KIF13B: variants seen among roughly 807,000 people sequenced by gnomAD.
The protein encoded by KIF13B is kinesin family member 13B.
KIF13B carries 127 observed loss-of-function variants against 222.0 expected under a neutral mutation model. The ratio of observed to expected loss-of-function variants is 0.57; its 90% confidence interval spans 0.50 to 0.66. The LOEUF is 0.66. Among genes scored for constraint, KIF13B ranks in the 30% least tolerant of loss-of-function variants. The pLI is 0.00. For missense variants in KIF13B, 2,173 were observed against 2,379.0 expected (o/e 0.91, Z 1.80); for synonymous variants, 976 against 919.0 (o/e 1.06, Z -1.12).
At chr8:29,126,977 T>C (rs901474600) in intron 25 of KIF13B, 145 bp downstream of exon 25, 10 of 789,502 alleles carry the variant, frequency 1.3e-5, no homozygotes, top group South Asian at 1.2e-4. Context: ...TCCATGAAAA[T>C]GCAAGACACA....
intron 2 of KIF13B, among the ~76,000 whole-genome samples, chr8:29,231,301 T>C (rs1815275543): frequency 1.3e-5 from 2 of 152,174 alleles, no homozygotes; most frequent in Admixed American, 1.3e-4. Context: ...AGAGAAGGGA[T>C]TTTCCCACAG....
At chr8:29,219,510 T>A (rs141018308) in intron 2 of KIF13B, 1 of 151,894 alleles carries the variant, frequency 6.6e-6, no homozygotes, top group Admixed American at 6.6e-5. Flanking sequence ...GTAATCCCAG[T>A]ACTTTGGGAA....
At chr8:29,160,617 G>A (rs1333810836) in intron 13 of KIF13B, 116 bp downstream of exon 13, 2 of 848,656 alleles carry the variant, frequency 2.4e-6, no homozygotes, top group African/African-American at 1.8e-5. Context: ...ACCCAAGATG[G>A]TTCTATAACT....
intron 15 of KIF13B, among the ~76,000 whole-genome samples, chr8:29,149,657 TG>T (rs1811214123): frequency 6.6e-6 from 1 of 152,222 alleles, no homozygotes. Flanking sequence ...TCAGGGCTAG[TG>T]CAGCTATGGT....
chr8:29,138,262 G>A (rs1447589183), intron 21 of KIF13B, among the ~76,000 whole-genome samples: 1 of 152,116 alleles, frequency 6.6e-6, no homozygotes, highest in Non-Finnish European at 1.5e-5. Context: ...TTGAACCCAG[G>A]AGGTGGAGGG....
At chr8:29,249,936 A>G in intron 1 of KIF13B, 2 of 814,608 alleles carry the variant, frequency 2.5e-6, no homozygotes, top group Admixed American at 2.3e-5. Context: ...GAAATGCTGC[A>G]AGAAAGTCTC....
chr8:29,181,920 T>G lies in KIF13B; in HGVS notation c.584A>C (p.Lys195Thr). Residue 195 changes from lysine to threonine, a missense_variant and splice_region_variant, in exon 7 of 40, where the codon AAG becomes ACG. Transcript: ENST00000524189. ...AGTTCACATACAGGATGTTGTTACC[T>G]TGTAGCTTGTGACAGCCAGTTTAGA... ...GLSKLAVTSY[K>T]DIESLMSEGN... is the part of the protein sequence containing the mutation. 1.9e-6 allele frequency: 3 copies of G among 1,611,044 alleles called. No homozygotes were observed. Among genetic ancestry groups the G allele is most frequent in the Non-Finnish European group, 2.5e-6 (3 of 1,177,588 alleles).
chr8:29,229,088 T>TAAAAAAAAAAAAAAAAAA (rs370080449), intron 2 of KIF13B, among the ~76,000 whole-genome samples: 4 of 94,694 alleles, frequency 4.2e-5, no homozygotes, highest in African/African-American at 1.2e-4. Flanking sequence ...ATGTCAGCTT[T>TAAAAAAAAAAAAAAAAAA]AAAAAAAAAA....
At chr8:29,101,102 G>A (rs1475358455) in intron 35 of KIF13B, among the ~76,000 whole-genome samples, 2 of 152,116 alleles carry the variant, frequency 1.3e-5, no homozygotes. Context: ...AGGAGCGCTG[G>A]CATCCCCATG....
chr8:29,227,905 A>T (rs1415475445), intron 2 of KIF13B, among the ~76,000 whole-genome samples: 2 of 151,948 alleles, frequency 1.3e-5, no homozygotes, highest in African/African-American at 4.8e-5. Flanking sequence ...GAGCCATGAT[A>T]GTGCCACTGC....
intron 29 of KIF13B, 42 bp from the exon 30 acceptor site, chr8:29,119,034 A>C (rs955964961): frequency 6.3e-7 from 1 of 1,592,924 alleles, no homozygotes; most frequent in Non-Finnish European, 8.6e-7. Flanking sequence ...GATCATTTTC[A>C]AGGATAACCC....
chr8:29,236,817 A>G (rs996914670), intron 2 of KIF13B, among the ~76,000 whole-genome samples: 17 of 152,238 alleles, frequency 1.1e-4, no homozygotes, highest in Admixed American at 3.9e-4. Context: ...AAGAAAATGT[A>G]CAATTCTCAA....
At chr8:29,234,468 T>C (rs1363788007) in intron 2 of KIF13B, among the ~76,000 whole-genome samples, 3 of 148,370 alleles carry the variant, frequency 2.0e-5, no homozygotes, top group Non-Finnish European at 4.5e-5. Flanking sequence ...GTAGTCAAAA[T>C]CATATATACA....
chr8:29,090,627 C>A (rs920173142), intron 37 of KIF13B, among the ~76,000 whole-genome samples: 5 of 152,190 alleles, frequency 3.3e-5, no homozygotes, highest in Non-Finnish European at 5.9e-5. Flanking sequence ...AGAGTTCTCA[C>A]AAACCAACTG....
intron 2 of KIF13B, among the ~76,000 whole-genome samples, chr8:29,216,856 G>A (rs4732919): frequency 0.046 from 6,953 of 152,178 alleles, 341 homozygotes; most frequent in African/African-American, 0.12. Flanking sequence ...CTGTGGCGCA[G>A]GGCTGAAGCT....
At chr8:29,234,159 T>G (rs1313921192) in intron 2 of KIF13B, among the ~76,000 whole-genome samples, 1 of 152,092 alleles carries the variant, frequency 6.6e-6, no homozygotes, top group Non-Finnish European at 1.5e-5. Flanking sequence ...ACAATTCCAC[T>G]CCTGGGTCTA....
At chr8:29,203,192 T>C (rs1813775253) in intron 2 of KIF13B, among the ~76,000 whole-genome samples, 2 of 152,200 alleles carry the variant, frequency 1.3e-5, no homozygotes, top group South Asian at 4.1e-4. Context: ...CAAATATTTC[T>C]TAAGCTGTTC....
chr8:29,130,579 A>C lies in KIF13B; in HGVS notation c.3029T>G (p.Ile1010Ser). 2 of 1,613,562 alleles carry C rather than the reference A, an allele frequency of 1.2e-6. No individual in the cohort carries two copies. Among genetic ancestry groups the C allele is most frequent in the Non-Finnish European group, 1.7e-6 (2 of 1,179,514 alleles). Residue 1010 changes from isoleucine (I) to serine (S), a missense_variant, in exon 24 of 40, where the codon ATT becomes AGT. Ile to Ser is a moderately radical substitution (Grantham distance 142). Transcript: ENST00000524189. ...TCCTGTTGGGACATCCTTTGCAGAA[A>C]TCACTTCTACAGGGCAGTATTCACC... ...ENGEYCPVEV[I>S]SAKDVPTGGI...
chr8:29,083,189 G>A (rs1372602268), intron 37 of KIF13B, among the ~76,000 whole-genome samples: 1 of 151,892 alleles, frequency 6.6e-6, no homozygotes, highest in Non-Finnish European at 1.5e-5. Context: ...ATAAGAAATG[G>A]CTTTTACATT....
Sources: allele counts gnomAD v4.1 joint callset (sites outside exome capture counted in the v4.1 genomes callset), GRCh38; gene constraint gnomAD v4.1.1; transcripts MANE v1.5; gene names NCBI Gene and HGNC (gene_info 2026-07-23, HGNC 2026-07-21).